UCKL1: variants seen among roughly 807,000 people sequenced by gnomAD.
UCKL1 encodes uridine-cytidine kinase-like 1.
Under a neutral mutation model 59.2 loss-of-function variants are expected in UCKL1, and 65 were observed. The observed-to-expected ratio is 1.10, with a 90% CI of 0.90 to 1.35. The LOEUF is 1.35. UCKL1 is among the 40% of genes most tolerant of loss of function. The pLI, the probability that UCKL1 is intolerant of heterozygous loss-of-function variation, is 0.00. For missense variants in UCKL1, 703 were observed against 784.3 expected (o/e 0.90, Z 1.24); for synonymous variants, 410 against 323.1 (o/e 1.27, Z -2.88).
chr20:63,951,917 A>G (rs1025993008), intron 1 of UCKL1, among the ~76,000 whole-genome samples: 3 of 152,170 alleles, frequency 2.0e-5, no homozygotes, highest in Non-Finnish European at 4.4e-5. Flanking sequence ...CAGGTCAGCC[A>G]TGGGTGTCAG....
chr20:63,950,976 C>T, intron 1 of UCKL1: 1 of 1,309,134 alleles, frequency 7.6e-7, no homozygotes, highest in African/African-American at 1.5e-5. Flanking sequence ...GCCACCTGAA[C>T]TGGCCCTTCC....
intron 14 of UCKL1, 37 bp from the exon 15 acceptor site, chr20:63,940,092 C>T (rs2053958597): frequency 6.2e-7 from 1 of 1,609,388 alleles, no homozygotes; most frequent in South Asian, 1.1e-5. Context: ...TGTGGTGGGG[C>T]CTCCCAGGGC....
At chr20:63,953,721 C>T (rs1035943592) in intron 1 of UCKL1, 3 of 152,432 alleles carry the variant, frequency 2.0e-5, no homozygotes, top group East Asian at 3.8e-4. Context: ...AAAATAAGCA[C>T]AGGCATGTGT....
intron 3 of UCKL1, 64 bp from the exon 4 acceptor site, chr20:63,946,039 A>G: frequency 6.2e-7 from 1 of 1,610,750 alleles, no homozygotes; most frequent in South Asian, 1.1e-5. Flanking sequence ...GCCAGCGGAC[A>G]GGGGCTCTAG....
Position 63,940,945 on chromosome 20 carries a change from C to T in UCKL1, c.1116+5G>A. On this transcript the variant is annotated splice_donor_5th_base_variant and intron_variant, in intron 10 of 14. Coordinates refer to ENST00000354216, the MANE Select transcript of UCKL1 (RefSeq NM_017859.4). ...CCTCCACCTCGCGGGCTACGGGCTA[C>T]GAACCTGAAAGGGCAGGAAGGAGAG... 1.3e-6 allele frequency: 2 copies of T among 1,521,808 alleles called. No individual in the cohort carries two copies. The highest frequency in any genetic ancestry group is 1.4e-5 in the African/African-American group (1 of 72,214). The allele number at this position is 1,521,808 out of a possible 1,614,324, so 94.3% of individuals were successfully genotyped here.
At chr20:63,948,714 T>G (rs1240152342) in intron 1 of UCKL1, among the ~76,000 whole-genome samples, 3 of 73,904 alleles carry the variant, frequency 4.1e-5, no homozygotes, top group Non-Finnish European at 8.0e-5. Flanking sequence ...AGGGAGGGGG[T>G]GTGTGTGAGA....
At position 63,944,387 on chromosome 20, in the gene UCKL1, C is replaced by CT. The variant is rs1201486881; in HGVS notation, c.906+9_906+10insA. On this transcript the variant is annotated intron_variant, in intron 7 of 14. Transcript: ENST00000354216. ...GGGGCTAGGCCGTGGGGACGTGGGA[C>CT]CCCGCTCACCTCCTCCAGCTGGCTG... The CT allele has an allele frequency of 6.4e-7, 1 of 1,552,668 alleles. No homozygotes were observed.
intron 1 of UCKL1, chr20:63,948,166 T>G (rs956003795): frequency 1.3e-5 from 2 of 152,002 alleles, no homozygotes; most frequent in Non-Finnish European, 2.9e-5. Context: ...ATGTTTCAGG[T>G]CTCCCTGGGA....
At chr20:63,941,667 G>T in intron 8 of UCKL1, 1 of 217,942 alleles carries the variant, frequency 4.6e-6, no homozygotes. Flanking sequence ...GGCCCCTCAA[G>T]AGAGGGGGGT....
Position 63,956,274 on chromosome 20 carries a change from G to C in UCKL1, c.99C>G (p.Thr33=), listed in dbSNP as rs375256195. 3 of 1,552,808 alleles carry C rather than the reference G, an allele frequency of 1.9e-6. No homozygotes were observed. The highest frequency in any genetic ancestry group is 2.4e-5 in the South Asian group (2 of 83,752). The part of the protein sequence containing the change: ...TPGRQAEKSE[T]ACEDRSNAES... ...CCCACGCCTACCGGTCCTCGCACGC[G>C]GTCTCGCTTTTCTCAGCCTGCCGGC... Residue 33 remains threonine, a synonymous_variant, in exon 1 of 15, where the codon ACC becomes ACG. Coordinates refer to ENST00000354216, the MANE Select transcript of UCKL1 (RefSeq NM_017859.4).
intron 14 of UCKL1, 25 bp downstream of exon 14, chr20:63,940,125 G>T: frequency 1.2e-6 from 2 of 1,612,338 alleles, no homozygotes; most frequent in Non-Finnish European, 1.7e-6. Context: ...CCTCATGTGC[G>T]GCTGAAGGGC....
rs1319690320 is a variant in UCKL1, at chr20:63,940,693, G to A, written c.1203C>T (p.Arg401=). The change falls in exon 12 of 15, where the codon CGC becomes CGT. Residue 401 remains arginine (R), a synonymous_variant. Coordinates refer to ENST00000354216, the MANE Select transcript of UCKL1 (RefSeq NM_017859.4). The stretch of plus-strand genomic sequence containing the variant: ...GCGCGGGCTCCATGGTTTCACCGGC[G>A]CGCAGAATGGACACACCGGTGATCT... ...GKQITGVSIL[R]AGETMEPALR... The A allele has an allele frequency of 3.1e-6, 5 of 1,608,144 alleles. No individual in the cohort carries two copies. Among genetic ancestry groups the A allele is most frequent in the Admixed American group, 3.4e-5 (2 of 59,506 alleles).
rs748579215 is a variant in UCKL1, at chr20:63,941,139, C to T, written c.993G>A (p.Pro331=). ...TGATGGTGTGCATGCCCCGTACCTG[C>T]GGCGTGCTCTTCAGGACGCTCAGCG... ...PRTLSVLKST[P]QVRGMHTIIR... The change falls in exon 9 of 15, where the codon CCG becomes CCA. Residue 331 remains proline (P), a synonymous_variant. Coordinates refer to ENST00000354216, the MANE Select transcript of UCKL1 (RefSeq NM_017859.4). 2.5e-6 allele frequency: 4 copies of T among 1,594,528 alleles called. No homozygotes were observed. Among genetic ancestry groups the T allele is most frequent in the Admixed American group, 1.7e-5 (1 of 58,280 alleles).
rs758828851 is a variant in UCKL1 at position 63,945,657 on chromosome 20, C to T, written c.648G>A (p.Leu216=). 5.0e-5 allele frequency: 80 copies of T among 1,612,860 alleles called. No homozygotes were observed. Among genetic ancestry groups the T allele is most frequent in the Non-Finnish European group, 6.6e-5 (78 of 1,179,872 alleles). ...EGIMAFADKT[L]LELLDMKIFV... ...ATTCCCGGCGGGTGCTTACCTCCAA[C>T]AGTGTCTTGTCAGCAAAGGCCATGA... Residue 216 remains leucine, a synonymous_variant, in exon 5 of 15, where the codon CTG becomes CTA. Transcript: ENST00000354216.
Position 63,946,638 on chromosome 20 carries a change from T to TTGC in UCKL1, c.116_118dup (p.Ser39dup). 1 of 1,607,638 alleles carries TTGC rather than the reference T, an allele frequency of 6.2e-7. No homozygotes were observed. Among genetic ancestry groups the TTGC allele is most frequent in the Non-Finnish European group, 8.5e-7 (1 of 1,179,682 alleles). Reference sequence around the variant, plus strand: ...CAGGAGCCTGTCCAGGGACTCTGCATTGCTGCTGCAGAGAGGGATGTACTC... The same window carrying TTGC: ...CAGGAGCCTGTCCAGGGACTCTGCATTGCTGCTGCTGCAGAGAGGGATGTACTC... On this transcript the variant is annotated inframe_insertion, in exon 2 of 15. Coordinates refer to ENST00000354216, the MANE Select transcript of UCKL1 (RefSeq NM_017859.4).
At chr20:63,946,300 ACAGG>A in intron 2 of UCKL1, 33 bp from the exon 3 acceptor site, 1 of 1,560,750 alleles carries the variant, frequency 6.4e-7, no homozygotes, top group Non-Finnish European at 8.7e-7. Context: ...TCTGTGAGGA[ACAGG>A]CAGGCTGCCG....
At chr20:63,951,264 C>G (rs2057541786) in intron 1 of UCKL1, 1 of 955,514 alleles carries the variant, frequency 1.0e-6, no homozygotes, top group African/African-American at 1.8e-5. Flanking sequence ...TCGGGCCAGC[C>G]CTCGGTGTGA....
At chr20:63,950,676 A>G (rs1222937605) in intron 1 of UCKL1, 13 of 1,366,888 alleles carry the variant, frequency 9.5e-6, no homozygotes, top group Non-Finnish European at 1.1e-5. Flanking sequence ...ATCCACAGAC[A>G]TGCACCAAAC....
chr20:63,946,172 A>AG lies in UCKL1; in HGVS notation c.399dup (p.Ser134LeufsTer8). 6.2e-7 allele frequency: 1 copy of AG among 1,612,264 alleles called. No homozygotes were observed. Among genetic ancestry groups the AG allele is most frequent in the Non-Finnish European group, 8.5e-7 (1 of 1,179,682 alleles). ...GGGCGGGGGCCCACCTTGTAGAAGGAGTCCATGGACAGCAAGACCACCCAG... is the reference window on the plus strand; with the variant it reads ...GGGCGGGGGCCCACCTTGTAGAAGGAGGTCCATGGACAGCAAGACCACCCAG... On this transcript the variant is annotated frameshift_variant, in exon 3 of 15. Coordinates refer to ENST00000354216, the MANE Select transcript of UCKL1 (RefSeq NM_017859.4). LOFTEE classifies it high-confidence loss of function.
Sources: allele counts gnomAD v4.1 joint callset (sites outside exome capture counted in the v4.1 genomes callset), GRCh38; gene constraint gnomAD v4.1.1; transcripts MANE v1.5; gene names NCBI Gene and HGNC (gene_info 2026-07-23, HGNC 2026-07-21).